The following IFT88 variants were observed in gnomAD, a reference collection of about 807,000 sequenced individuals.
IFT88 encodes the protein intraflagellar transport 88, also known as intraflagellar transport protein 88 homolog.
Under a neutral mutation model 119.5 loss-of-function variants are expected in IFT88, and 74 were observed. The observed-to-expected ratio is 0.62, with a 90% CI of 0.51 to 0.75. The LOEUF is 0.75. IFT88 is among the 30% of genes least tolerant of loss of function. The pLI is 0.00. For missense variants in IFT88, 961 were observed against 977.7 expected (o/e 0.98, Z 0.23); for synonymous variants, 279 against 316.7 (o/e 0.88, Z 1.26).
At chr13:20,619,834 CCCA>C (rs770952245) in intron 14 of IFT88, among the ~76,000 whole-genome samples, 4 of 152,046 alleles carry the variant, frequency 2.6e-5, no homozygotes, top group Non-Finnish European at 4.4e-5. Flanking sequence ...TGTTTACACC[CCCA>C]CCAACAGTGC....
rs141093926 is a variant in IFT88 at position 20,643,326 on chromosome 13, T to C, written c.1683-129T>C. The stretch of plus-strand genomic sequence containing the variant: ...GCATTCCATCTCCACCCCTGAGATA[T>C]CCAGAGGAAACAGTATACAATAGCA... On this transcript the variant is annotated intron_variant, in intron 18 of 25. Transcript: ENST00000351808. 524 of 670,914 alleles carry C rather than the reference T, an allele frequency of 7.8e-4. 4 individuals carry two copies. The East Asian group carries it at 0.014, about 18-fold the overall frequency. The allele number at this position is 670,914 out of a possible 1,614,324, so 41.6% of individuals were successfully genotyped here.
In IFT88 at chr13:20,592,793, T is replaced by TTA. The variant is rs545613465; in HGVS notation, c.398+390_398+391insAT. On this transcript the variant is annotated intron_variant, in intron 7 of 25. Transcript: ENST00000351808. Reference sequence around the variant, plus strand: ...TCACATAATTACATAATTATGTGACTTCCATAAGAATTACATAATTATGTG... The same window carrying TTA: ...TCACATAATTACATAATTATGTGACTTATCCATAAGAATTACATAATTATGTG... 6.6e-5 allele frequency among the ~76,000 whole-genome samples: 10 copies of TTA among 152,258 alleles called. No individual in the cohort carries two copies. The East Asian group carries it at 1.9e-3, about 29-fold the overall frequency.
chr13:20,674,091 A>C (rs1023737384), intron 24 of IFT88, among the ~76,000 whole-genome samples: 1 of 152,122 alleles, frequency 6.6e-6, no homozygotes, highest in Non-Finnish European at 1.5e-5. Context: ...TTCCACGCTG[A>C]CACTTTTGCA....
intron 14 of IFT88, among the ~76,000 whole-genome samples, chr13:20,616,981 C>A (rs1310882168): frequency 3.3e-5 from 5 of 151,878 alleles, no homozygotes; most frequent in Non-Finnish European, 7.4e-5. Context: ...TCTTGTTCTG[C>A]CTCCCAGGCT....
chr13:20,581,297 A>T (rs1286516513), intron 2 of IFT88, among the ~76,000 whole-genome samples: 2 of 152,176 alleles, frequency 1.3e-5, no homozygotes, highest in African/African-American at 4.8e-5. Flanking sequence ...AAGAGTTCCA[A>T]AAGTTGTATA....
intron 24 of IFT88, among the ~76,000 whole-genome samples, chr13:20,681,654 G>A (rs900462313): frequency 6.6e-6 from 1 of 152,216 alleles, no homozygotes; most frequent in Non-Finnish European, 1.5e-5. Context: ...TAAAAAGAGT[G>A]CATTCTGTTC....
chr13:20,589,750 C>A, intron 3 of IFT88, 61 bp from the exon 4 acceptor site: 1 of 913,834 alleles, frequency 1.1e-6, no homozygotes, highest in Non-Finnish European at 1.7e-6. Flanking sequence ...ATTTCTTTTC[C>A]AGTTTTCTAT....
Position 20,608,245 on chromosome 13 carries a change from A to G in IFT88, c.1112+3140A>G, listed in dbSNP as rs940299515. The stretch of plus-strand genomic sequence containing the variant: ...ACTTCTGACATCCAGTGAATGTACA[A>G]CCCAGCCGAGGGAATGGTGTGTAAC... On this transcript the variant is annotated intron_variant, in intron 13 of 25. Transcript: ENST00000351808. 8 of 244,408 alleles carry G rather than the reference A, an allele frequency of 3.3e-5. No homozygotes were observed. In the South Asian group the frequency reaches 4.0e-4, roughly 12 times the overall value. The allele number at this position is 244,408 out of a possible 1,614,324, so 15.1% of individuals were successfully genotyped here. A position where few individuals can be genotyped will look rare whatever the true frequency, so the allele number is the denominator to read the frequency against.
intron 7 of IFT88, 91 bp downstream of exon 7, chr13:20,592,495 T>A: frequency 6.4e-6 from 5 of 778,770 alleles, no homozygotes; most frequent in Non-Finnish European, 1.0e-5. Flanking sequence ...TTTGAGATGA[T>A]ATCTCACTCT....
At chr13:20,690,655 ATGTTTTC>A (rs2058384181) in intron 24 of IFT88, 43 bp from the exon 25 acceptor site, 1 of 1,233,732 alleles carries the variant, frequency 8.1e-7, no homozygotes, top group African/African-American at 1.5e-5. Flanking sequence ...ATGTAGTTTT[ATGTTTTC>A]TCAACATATT....
intron 14 of IFT88, among the ~76,000 whole-genome samples, chr13:20,622,179 A>G (rs2046646605): frequency 6.6e-6 from 1 of 152,126 alleles, no homozygotes; most frequent in African/African-American, 2.4e-5. Context: ...TTTGAGCATC[A>G]TATTATGTCT....
At chr13:20,582,913 A>G (rs772369855) in intron 2 of IFT88, 44 bp from the exon 3 acceptor site, 2 of 1,482,368 alleles carry the variant, frequency 1.3e-6, no homozygotes, top group African/African-American at 2.8e-5. Flanking sequence ...TTTTCCCCCA[A>G]TTCTTACTCT....
intron 13 of IFT88, chr13:20,607,353 T>C: frequency 3.7e-6 from 2 of 541,968 alleles, no homozygotes; most frequent in Middle Eastern, 3.1e-4. Flanking sequence ...AAGGTGCCCA[T>C]GTCCTATGCA....
intron 20 of IFT88, among the ~76,000 whole-genome samples, chr13:20,646,864 T>C (rs2050838690): frequency 6.6e-6 from 1 of 150,454 alleles, no homozygotes. Flanking sequence ...TTTTTTTTTC[T>C]CTCTCTCTCT....
At chr13:20,604,703 C>A (rs899696032) in intron 12 of IFT88, among the ~76,000 whole-genome samples, 4 of 152,142 alleles carry the variant, frequency 2.6e-5, no homozygotes, top group Admixed American at 6.5e-5. Context: ...GCCTATAGTC[C>A]CAATACTTTG....
Position 20,670,968 on chromosome 13 carries a change from T to C in IFT88, c.2176-5T>C. On this transcript the variant is annotated splice_polypyrimidine_tract_variant and splice_region_variant and intron_variant, in intron 23 of 25. Coordinates refer to ENST00000351808, the MANE Select transcript of IFT88 (RefSeq NM_006531.5). ...TCTTTTAAACTTGTCTTCTCTTTGC[T>C]CTAGCGCATAAAGTCAGGCAGAGAT... is the stretch of plus-strand genomic sequence containing the variant. 6.2e-7 allele frequency: 1 copy of C among 1,613,458 alleles called. No homozygotes were observed. Among genetic ancestry groups the C allele is most frequent in the Non-Finnish European group, 8.5e-7 (1 of 1,179,546 alleles).
intron 24 of IFT88, among the ~76,000 whole-genome samples, chr13:20,675,939 G>A (rs1338542535): frequency 6.6e-6 from 1 of 152,186 alleles, no homozygotes; most frequent in African/African-American, 2.4e-5. Context: ...GAATACTTTT[G>A]GTAATGACAG....
At chr13:20,638,150 G>T (rs575004889) in intron 16 of IFT88, among the ~76,000 whole-genome samples, 182 bp from the exon 17 acceptor site, 70 of 152,296 alleles carry the variant, frequency 4.6e-4, no homozygotes, top group African/African-American at 1.7e-3. Context: ...AGAAACTTGG[G>T]TGGTTCAGCC....
chr13:20,591,513 CA>C (rs1320194898), intron 5 of IFT88, 104 bp from the exon 6 acceptor site: 4 of 725,026 alleles, frequency 5.5e-6, no homozygotes, highest in Non-Finnish European at 6.7e-6. Context: ...GATTGAAAAT[CA>C]GCATTTTTTT....
Sources: allele counts gnomAD v4.1 joint callset (sites outside exome capture counted in the v4.1 genomes callset), GRCh38; gene constraint gnomAD v4.1.1; transcripts MANE v1.5; gene names NCBI Gene and HGNC (gene_info 2026-07-23, HGNC 2026-07-21).